FANCM: variants seen among roughly 807,000 people sequenced by gnomAD.
FANCM encodes Fanconi anemia group M protein.
Under a neutral mutation model 199.5 loss-of-function variants are expected in FANCM, and 140 were observed. The observed-to-expected ratio is 0.70, with a 90% confidence interval of 0.61 to 0.81. The LOEUF (loss-of-function observed/expected upper bound fraction) is 0.81. FANCM is among the 30% of genes least tolerant of loss of function. The probability of loss-of-function intolerance (pLI) is 0.00; values close to 1 mark genes in which losing one functional copy is unlikely to be tolerated. For missense variants in FANCM, 2,410 were observed against 2,421.4 expected (o/e 1.00, Z 0.10); for synonymous variants, 840 against 836.8 (o/e 1.00, Z -0.07).
At chr14:45,165,343 C>T (rs185680465) in intron 10 of FANCM, among the ~76,000 whole-genome samples, 78 of 152,094 alleles carry the variant, frequency 5.1e-4, no homozygotes, top group Admixed American at 2.3e-3. Flanking sequence ...GTCAGGAGTC[C>T]GAGACCAGCC....
At chr14:45,140,070 G>C (rs545638897) in intron 2 of FANCM, among the ~76,000 whole-genome samples, 1 of 151,930 alleles carries the variant, frequency 6.6e-6, no homozygotes, top group Non-Finnish European at 1.5e-5. Context: ...ATATAATTTC[G>C]TATTGCTATT....
chr14:45,176,980 A>C lies in FANCM; in HGVS notation c.4222+4A>C, dbSNP rs1397109524. The C allele has an allele frequency of 1.3e-6, 2 of 1,522,288 alleles. No individual in the cohort carries two copies. The highest frequency in any genetic ancestry group is 1.7e-5 in the Admixed American group (1 of 59,854). 94.3% of individuals were successfully genotyped at this position (1,522,288 alleles called of 1,614,324 possible). On this transcript the variant is annotated splice_donor_region_variant and intron_variant, in intron 14 of 22. Transcript: ENST00000267430. The stretch of plus-strand genomic sequence containing the variant: ...AAATCCTGTCATTCTGTTGAAGGTA[A>C]GATTCCATCTTTATAAAGTCTATAA...
Position 45,164,523 on chromosome 14 carries a change from A to G in FANCM, c.1746A>G (p.Gln582=). 1.9e-6 allele frequency: 3 copies of G among 1,613,630 alleles called. No individual in the cohort carries two copies. The highest frequency in any genetic ancestry group is 2.5e-6 in the Non-Finnish European group (3 of 1,179,992). The part of the protein sequence containing the change: ...QRMGRTGRKR[Q]GRIVIILSEG... The stretch of plus-strand genomic sequence containing the variant: ...TGGGTAGAACTGGCCGTAAACGTCA[A>G]GGCAGGATAGTTATTATCCTTTCTG... Residue 582 remains glutamine (Q), a synonymous_variant, in exon 10 of 23, where the codon CAA becomes CAG. Transcript: ENST00000267430.
Position 45,189,041 on chromosome 14 carries a change from A to C in FANCM, c.5019A>C (p.Ser1673=). 6.2e-7 allele frequency: 1 copy of C among 1,613,998 alleles called. No individual in the cohort carries two copies. Among genetic ancestry groups the C allele is most frequent in the Non-Finnish European group, 8.5e-7 (1 of 1,179,830 alleles). ...CCAGAATTATTTTACCAGATGATTCAAGTGAGGAGGAGAACAATGTAAATG... is the reference window on the plus strand; with the variant it reads ...CCAGAATTATTTTACCAGATGATTCCAGTGAGGAGGAGAACAATGTAAATG... ...KLSRIILPDD[S]SEEENNVNDK... The change falls in exon 20 of 23, where the codon TCA becomes TCC. Residue 1673 remains serine (S), a synonymous_variant. Transcript: ENST00000267430.
intron 10 of FANCM, 21 bp from the exon 11 acceptor site, chr14:45,166,929 A>AT: frequency 8.0e-7 from 1 of 1,254,600 alleles, no homozygotes; most frequent in Non-Finnish European, 1.2e-6. Flanking sequence ...ATAATCTGAC[A>AT]TTTTCTATTT....
intron 3 of FANCM, among the ~76,000 whole-genome samples, chr14:45,147,542 C>T (rs1189315471): frequency 2.6e-5 from 4 of 152,076 alleles, no homozygotes; most frequent in African/African-American, 9.7e-5. Flanking sequence ...CTTGGCCTCC[C>T]ACAGCCCTGG....
chr14:45,155,416 G>T lies in FANCM; in HGVS notation c.1353G>T (p.Lys451Asn), dbSNP rs771239660. The T allele has an allele frequency of 6.1e-6, 9 of 1,486,416 alleles. No homozygotes were observed. Among genetic ancestry groups the T allele is most frequent in the African/African-American group, 4.1e-5 (3 of 72,478 alleles). 92.1% of individuals were successfully genotyped at this position (1,486,416 alleles called of 1,614,324 possible). ...KKFVYSHPKL[K>N]KLEEVVIEHF... ...TTGTTTATAGTCATCCAAAGTTAAA[G>T]AAATTAGAAGAAGTTGTAATTGAAC... The change falls in exon 8 of 23, where the codon AAG becomes AAT. Residue 451 changes from lysine to asparagine, a missense_variant. Transcript: ENST00000267430.
Position 45,189,090 on chromosome 14 carries a change from G to C in FANCM, c.5068G>C (p.Val1690Leu), listed in dbSNP as rs752352756. 33 of 1,614,068 alleles carry C rather than the reference G, an allele frequency of 2.0e-5. No individual in the cohort carries two copies. In the East Asian group the frequency reaches 6.5e-4, roughly 32 times the overall value. Residue 1690 changes from valine to leucine, a missense_variant, in exon 20 of 23, where the codon GTT (valine) becomes CTT (leucine). Physicochemically the swap from Val to Leu is conservative, Grantham distance 32. Transcript: ENST00000267430. Reference sequence around the variant, plus strand: ...TGATAAAAGAGAATCTAATATTGCGGTTAACCCAAGCACTGTTAAGAAGAA... The same window carrying C: ...TGATAAAAGAGAATCTAATATTGCGCTTAACCCAAGCACTGTTAAGAAGAA... ...VNDKRESNIAVNPSTVKKNKQ... is the reference protein window; with the variant it reads ...VNDKRESNIALNPSTVKKNKQ...
intron 11 of FANCM, among the ~76,000 whole-genome samples, chr14:45,170,252 G>T (rs1261743887): frequency 2.6e-5 from 4 of 152,154 alleles, no homozygotes; most frequent in South Asian, 4.1e-4. Flanking sequence ...AAACTGAGTG[G>T]TTTTTTATGA....
chr14:45,155,186 A>G (rs986829975), intron 7 of FANCM, among the ~76,000 whole-genome samples, 187 bp from the exon 8 acceptor site: 19 of 152,140 alleles, frequency 1.2e-4, no homozygotes, highest in Non-Finnish European at 4.4e-5. Context: ...TGAAATTTTT[A>G]TGAAAGTTCA....
intron 8 of FANCM, among the ~76,000 whole-genome samples, chr14:45,156,241 G>C (rs1268187763): frequency 6.6e-6 from 1 of 152,176 alleles, no homozygotes; most frequent in Non-Finnish European, 1.5e-5. Context: ...GTGGCAGTAG[G>C]GTGCTTGGTG....
intron 6 of FANCM, among the ~76,000 whole-genome samples, chr14:45,154,363 T>A (rs1043684485): frequency 4.7e-5 from 7 of 149,014 alleles, no homozygotes; most frequent in African/African-American, 1.7e-4. Flanking sequence ...ATCATGCTGC[T>A]GCACTTCAGC....
chr14:45,172,981 T>C (rs1746724254), intron 12 of FANCM, 74 bp from the exon 13 acceptor site: 7 of 1,073,378 alleles, frequency 6.5e-6, no homozygotes, highest in Non-Finnish European at 1.0e-5. Context: ...ATATGTATAT[T>C]GAGTGTTTTT....
In FANCM at chr14:45,176,146, A is replaced by G. The variant is rs1472316824; in HGVS notation, c.3392A>G (p.Asp1131Gly). Reference protein sequence around the residue: ...SDLPVLSTDQDESLLLFEDVN... With the variant: ...SDLPVLSTDQGESLLLFEDVN... ...CTCCCAGTATTGTCCACTGATCAAGATGAAAGTTTGCTGTTATTTGAAGAT... is the reference window on the plus strand; with the variant it reads ...CTCCCAGTATTGTCCACTGATCAAGGTGAAAGTTTGCTGTTATTTGAAGAT... Residue 1131 changes from aspartate to glycine, a missense_variant, in exon 14 of 23, where the codon GAT (aspartate) becomes GGT (glycine). Transcript: ENST00000267430. 3.7e-6 allele frequency: 6 copies of G among 1,614,086 alleles called. No homozygotes were observed. The highest frequency in any genetic ancestry group is 1.1e-5 in the South Asian group (1 of 91,080).
chr14:45,162,146 G>A (rs1420164705), intron 9 of FANCM, among the ~76,000 whole-genome samples: 4 of 152,170 alleles, frequency 2.6e-5, no homozygotes, highest in East Asian at 3.9e-4. Context: ...AACACTTTGG[G>A]AGGCCAAGGC....
chr14:45,190,545 A>G (rs1889697850), intron 20 of FANCM, among the ~76,000 whole-genome samples: 1 of 152,104 alleles, frequency 6.6e-6, no homozygotes, highest in African/African-American at 2.4e-5. Context: ...GAAATTTTGT[A>G]TAATTTGACC....
rs2139251885 is a variant in FANCM at position 45,176,632 on chromosome 14, C to T, written c.3878C>T (p.Thr1293Ile). Reference sequence around the variant, plus strand: ...CATAGTAAAAATTTTACTAGTGGAACTGTTATTATCCCATCAAATGAAGAT... The same window carrying T: ...CATAGTAAAAATTTTACTAGTGGAATTGTTATTATCCCATCAAATGAAGAT... ...RDHSKNFTSG[T>I]VIIPSNEDMQ... Residue 1293 changes from threonine (T) to isoleucine (I), a missense_variant, in exon 14 of 23, where the codon ACT becomes ATT. Thr to Ile is a moderately conservative substitution (Grantham distance 89, BLOSUM62 -1). Coordinates refer to ENST00000267430, the MANE Select transcript of FANCM (RefSeq NM_020937.4). 2 of 1,612,022 alleles carry T rather than the reference C, an allele frequency of 1.2e-6. No homozygotes were observed. Among genetic ancestry groups the T allele is most frequent in the Non-Finnish European group, 1.7e-6 (2 of 1,179,176 alleles).
At position 45,189,038 on chromosome 14, in the gene FANCM, T is replaced by C; in HGVS notation, c.5016T>C (p.Asp1672=). Residue 1672 remains aspartate (D), a synonymous_variant, in exon 20 of 23, where the codon GAT becomes GAC. Transcript: ENST00000267430. Reference sequence around the variant, plus strand: ...TATCCAGAATTATTTTACCAGATGATTCAAGTGAGGAGGAGAACAATGTAA... The same window carrying C: ...TATCCAGAATTATTTTACCAGATGACTCAAGTGAGGAGGAGAACAATGTAA... The part of the protein sequence containing the change: ...KKLSRIILPD[D]SSEEENNVND... 6.2e-7 allele frequency: 1 copy of C among 1,614,052 alleles called. No homozygotes were observed. Among genetic ancestry groups the C allele is most frequent in the South Asian group, 1.1e-5 (1 of 91,078 alleles).
intron 9 of FANCM, among the ~76,000 whole-genome samples, chr14:45,160,002 G>GTTTTTTT (rs200603043): frequency 2.5e-5 from 3 of 121,998 alleles, no homozygotes; most frequent in Non-Finnish European, 3.6e-5. Flanking sequence ...TTTTTTTTTT[G>GTTTTTTT]TTTTTTTTTT....
Sources: allele counts gnomAD v4.1 joint callset (sites outside exome capture counted in the v4.1 genomes callset), GRCh38; gene constraint gnomAD v4.1.1; transcripts MANE v1.5; gene names NCBI Gene and HGNC (gene_info 2026-07-23, HGNC 2026-07-21).